The following MDN1 variants were observed in gnomAD, a reference collection of about 807,000 sequenced individuals.
The protein encoded by MDN1 is midasin AAA ATPase 1.
MDN1 carries 266 observed loss-of-function variants against 669.2 expected under a neutral mutation model. The observed-to-expected ratio is 0.40, with a 90% CI of 0.36 to 0.44. MDN1 has a LOEUF of 0.44. MDN1 is among the 20% of genes least tolerant of loss of function. The pLI, the probability that MDN1 is intolerant of heterozygous loss-of-function variation, is 1.00. For synonymous variants in MDN1, 2,385 were observed against 2,457.1 expected (o/e 0.97, Z 0.87); for missense variants, 5,940 against 6,754.0 (o/e 0.88, Z 4.22).
intron 5 of MDN1, among the ~76,000 whole-genome samples, chr6:89,790,963 C>T (rs954793133): frequency 5.3e-5 from 8 of 152,106 alleles, no homozygotes; most frequent in Admixed American, 4.6e-4. Context: ...GCGGAGGTTG[C>T]AGTGGGCCAA....
At chr6:89,698,673 A>G (rs1421459022) in intron 59 of MDN1, among the ~76,000 whole-genome samples, 192 bp downstream of exon 59, 1 of 152,230 alleles carries the variant, frequency 6.6e-6, no homozygotes, top group African/African-American at 2.4e-5. Context: ...GACTTATCTC[A>G]AAATTTCACA....
chr6:89,675,034 A>T (rs1199123399), intron 78 of MDN1, among the ~76,000 whole-genome samples: 10 of 152,206 alleles, frequency 6.6e-5, no homozygotes, highest in Admixed American at 6.5e-4. Context: ...TCAGATTGCC[A>T]TCTGGGGGAT....
At chr6:89,756,243 A>G in intron 20 of MDN1, 34 bp downstream of exon 20, 1 of 1,051,020 alleles carries the variant, frequency 9.5e-7, no homozygotes, top group Non-Finnish European at 1.4e-6. Context: ...TGTTCAGAGA[A>G]AGAGCTTATA....
intron 55 of MDN1, 34 bp downstream of exon 55, chr6:89,701,524 A>G (rs966862406): frequency 6.2e-7 from 1 of 1,610,256 alleles, no homozygotes; most frequent in African/African-American, 1.3e-5. Flanking sequence ...TAGTAGTCAC[A>G]TTTCTTTTAT....
intron 55 of MDN1, 125 bp downstream of exon 55, chr6:89,701,433 A>G (rs1813153462): frequency 1.5e-6 from 2 of 1,303,728 alleles, no homozygotes; most frequent in African/African-American, 1.5e-5. Context: ...ATGCCAAAGG[A>G]AAACTGCAAG....
intron 1 of MDN1, among the ~76,000 whole-genome samples, chr6:89,809,316 C>T (rs2128330914): frequency 6.6e-6 from 1 of 151,388 alleles, no homozygotes; most frequent in Non-Finnish European, 1.5e-5. Flanking sequence ...ATTTTATCTT[C>T]CCAGATTTAT....
chr6:89,774,575 T>G, intron 13 of MDN1, 46 bp downstream of exon 13: 1 of 1,429,360 alleles, frequency 7.0e-7, no homozygotes, highest in Non-Finnish European at 9.9e-7. Context: ...TCTGTCAAGT[T>G]TCTGGAAACC....
At position 89,677,534 on chromosome 6, in the gene MDN1, A is replaced by T. The variant is rs527831820; in HGVS notation, c.12539+36T>A. ...GAGTTCTAAATTACTTGCTCCATTTATAAGTAGGGAAAAAACAAAACAAAA... is the reference window on the plus strand; with the variant it reads ...GAGTTCTAAATTACTTGCTCCATTTTTAAGTAGGGAAAAAACAAAACAAAA... On this transcript the variant is annotated intron_variant, in intron 76 of 101. Coordinates refer to ENST00000369393, the MANE Select transcript of MDN1 (RefSeq NM_014611.3). 6.8e-6 allele frequency: 11 copies of T among 1,611,208 alleles called. No homozygotes were observed. In the Admixed American group the frequency reaches 1.2e-4, roughly 17 times the overall value.
chr6:89,780,517 T>C (rs1427768922), intron 10 of MDN1, among the ~76,000 whole-genome samples: 1 of 152,088 alleles, frequency 6.6e-6, no homozygotes, highest in Non-Finnish European at 1.5e-5. Flanking sequence ...CAAAAAGAGT[T>C]CCCAATCTTC....
chr6:89,694,172 C>T lies in MDN1; in HGVS notation c.9783G>A (p.Leu3261=). The change falls in exon 62 of 102, where the codon CTG becomes CTA. Residue 3261 remains leucine (L), a synonymous_variant. Coordinates refer to ENST00000369393, the MANE Select transcript of MDN1 (RefSeq NM_014611.3). ...LNYVKEELHQ[L]QCEWKTRNLS... ...GGTTCCGGGTCTTCCATTCACACTG[C>T]AGTTGGTGTAACTAATGGAAAAGAG... 1 of 1,613,962 alleles carries T rather than the reference C, an allele frequency of 6.2e-7. No homozygotes were observed.
chr6:89,671,160 G>A, intron 82 of MDN1, 80 bp from the exon 83 acceptor site: 1 of 1,451,470 alleles, frequency 6.9e-7, no homozygotes, highest in African/African-American at 1.4e-5. Context: ...AGATAGTGGT[G>A]GTAATTGCAC....
chr6:89,717,979 C>T (rs780852253), intron 43 of MDN1, among the ~76,000 whole-genome samples: 5 of 152,132 alleles, frequency 3.3e-5, no homozygotes, highest in Non-Finnish European at 5.9e-5. Context: ...ATATTTCCTC[C>T]ATCTCCACAC....
intron 84 of MDN1, among the ~76,000 whole-genome samples, chr6:89,667,121 C>G (rs1481114798): frequency 6.6e-6 from 1 of 152,044 alleles, no homozygotes; most frequent in African/African-American, 2.4e-5. Context: ...GTTCTGGAAG[C>G]TTTTTATTCC....
intron 49 of MDN1, 88 bp downstream of exon 49, chr6:89,711,947 AG>A: frequency 1.8e-5 from 21 of 1,164,612 alleles, no homozygotes; most frequent in Non-Finnish European, 2.6e-5. Flanking sequence ...TTAACAGTGT[AG>A]TCACAGATTA....
At chr6:89,679,855 C>T (rs1811475350) in intron 74 of MDN1, among the ~76,000 whole-genome samples, 1 of 152,210 alleles carries the variant, frequency 6.6e-6, no homozygotes, top group Non-Finnish European at 1.5e-5. Flanking sequence ...GCTTTGCATC[C>T]TGCAGCGCAT....
chr6:89,785,003 C>T lies in MDN1; in HGVS notation c.1449+9G>A. On this transcript the variant is annotated intron_variant, in intron 9 of 101. Transcript: ENST00000369393. ...TGGCCAGCATTGATACTTTCCAAGA[C>T]CCACGTACCTCATTCAGTTCTCTCT... The T allele has an allele frequency of 6.3e-7, 1 of 1,578,798 alleles. No homozygotes were observed. Among genetic ancestry groups the T allele is most frequent in the Non-Finnish European group, 8.7e-7 (1 of 1,147,928 alleles).
intron 15 of MDN1, among the ~76,000 whole-genome samples, chr6:89,766,190 T>C (rs1817791904): frequency 6.6e-6 from 1 of 151,942 alleles, no homozygotes; most frequent in Non-Finnish European, 1.5e-5. Context: ...TCCCAGGTAC[T>C]CAGGAGGCTG....
At chr6:89,651,340 A>G (rs910621006) in intron 95 of MDN1, among the ~76,000 whole-genome samples, 17 of 145,792 alleles carry the variant, frequency 1.2e-4, no homozygotes, top group African/African-American at 3.6e-4. Context: ...AAAAAAAAAA[A>G]AAAAGAAAAA....
chr6:89,763,383 T>C (rs140176463), intron 15 of MDN1, among the ~76,000 whole-genome samples: 121 of 151,250 alleles, frequency 8.0e-4, no homozygotes, highest in African/African-American at 2.8e-3. Flanking sequence ...TGGTTTGTGG[T>C]ACTCCAAAGC....
Sources: allele counts gnomAD v4.1 joint callset (sites outside exome capture counted in the v4.1 genomes callset), GRCh38; gene constraint gnomAD v4.1.1; transcripts MANE v1.5; gene names NCBI Gene and HGNC (gene_info 2026-07-23, HGNC 2026-07-21).